Variants in CADPS2 observed in about 807,000 individuals in gnomAD.
CADPS2 encodes calcium-dependent secretion activator 2.
In CADPS2, 93 loss-of-function variants were observed where a neutral mutation model predicts 172.5. The ratio of observed to expected loss-of-function variants is 0.54; its 90% CI spans 0.46 to 0.64. The LOEUF (loss-of-function observed/expected upper bound fraction) is 0.64, where lower values mean the gene tolerates loss of function less well. Ranked by LOEUF, CADPS2 falls within the 30% of genes least tolerant of loss-of-function variation. The probability of loss-of-function intolerance (pLI) is 0.00; values close to 1 mark genes in which losing one functional copy is unlikely to be tolerated. For synonymous variants in CADPS2, 546 were observed against 555.2 expected (o/e 0.98, Z 0.23); for missense variants, 1,420 against 1,565.9 (o/e 0.91, Z 1.57).
At chr7:122,568,101 T>C (rs2066703194) in intron 7 of CADPS2, among the ~76,000 whole-genome samples, 1 of 152,062 alleles carries the variant, frequency 6.6e-6, no homozygotes, top group South Asian at 2.1e-4. Context: ...CTAATACTAG[T>C]CAAAAGAAAG....
intron 2 of CADPS2, 64 bp downstream of exon 2, chr7:122,736,891 T>C: frequency 1.2e-6 from 1 of 843,002 alleles, no homozygotes; most frequent in Non-Finnish European, 1.9e-6. Context: ...GAGAAACCCA[T>C]AAAAATAATA....
At chr7:122,705,447 T>G (rs13308188) in intron 2 of CADPS2, among the ~76,000 whole-genome samples, 1 of 137,488 alleles carries the variant, frequency 7.3e-6, no homozygotes, top group African/African-American at 2.7e-5. Flanking sequence ...AATATAATAT[T>G]ATATATTATC....
intron 5 of CADPS2, among the ~76,000 whole-genome samples, chr7:122,617,091 G>A (rs539130834): frequency 1.4e-3 from 211 of 152,188 alleles, no homozygotes; most frequent in African/African-American, 4.9e-3. Context: ...TAACCCAAAT[G>A]CAAGAAAGGA....
chr7:122,556,487 G>C (rs1416262589), intron 7 of CADPS2, among the ~76,000 whole-genome samples: 1 of 151,862 alleles, frequency 6.6e-6, no homozygotes, highest in Non-Finnish European at 1.5e-5. Context: ...TATAAAAATT[G>C]GTATTGTACC....
At position 122,702,524 on chromosome 7, in the gene CADPS2, G is replaced by A. The variant is rs565042058; in HGVS notation, c.453+34431C>T. 1.9e-6 allele frequency: 3 copies of A among 1,613,562 alleles called. No individual in the cohort carries two copies. In the Admixed American group the frequency reaches 5.0e-5, roughly 27 times the overall value. ...ATTCTGATTCCATCCTTCAGGAAGT[G>A]CCACCACACCAGACACCCTTTCCAG... On this transcript the variant is annotated intron_variant, in intron 2 of 29. Coordinates refer to ENST00000449022, the MANE Select transcript of CADPS2 (RefSeq NM_017954.11).
chr7:122,807,467 T>C (rs1417504726), intron 1 of CADPS2, among the ~76,000 whole-genome samples: 4 of 152,262 alleles, frequency 2.6e-5, no homozygotes, highest in African/African-American at 9.6e-5. Context: ...TCAGCAAACT[T>C]CTCTGACATC....
intron 2 of CADPS2, among the ~76,000 whole-genome samples, chr7:122,710,112 T>G (rs1010867384): frequency 2.1e-5 from 3 of 145,454 alleles, no homozygotes; most frequent in Admixed American, 6.9e-5. Flanking sequence ...TAAGCCACAA[T>G]CAGTCATTGA....
intron 17 of CADPS2, among the ~76,000 whole-genome samples, chr7:122,432,181 G>C (rs969434906): frequency 6.6e-6 from 1 of 152,142 alleles, no homozygotes; most frequent in South Asian, 2.1e-4. Context: ...GAGGGCTCTG[G>C]TGTCTGAGAG....
chr7:122,464,875 T>TA (rs1425654857), intron 14 of CADPS2, among the ~76,000 whole-genome samples: 2 of 151,870 alleles, frequency 1.3e-5, no homozygotes, highest in Admixed American at 1.3e-4. Context: ...GAAATCTGAA[T>TA]AAGGACTGGT....
At chr7:122,341,018 C>A (rs2036697872) in intron 28 of CADPS2, among the ~76,000 whole-genome samples, 3 of 152,146 alleles carry the variant, frequency 2.0e-5, no homozygotes, top group African/African-American at 7.2e-5. Flanking sequence ...AATGTAATAT[C>A]TAGATTATAA....
At chr7:122,851,041 A>G (rs1286499353) in intron 1 of CADPS2, among the ~76,000 whole-genome samples, 1 of 152,202 alleles carries the variant, frequency 6.6e-6, no homozygotes, top group African/African-American at 2.4e-5. Context: ...CCCAACTCAC[A>G]TATGTCACTT....
At chr7:122,464,843 G>A (rs1228192310) in intron 14 of CADPS2, among the ~76,000 whole-genome samples, 1 of 152,088 alleles carries the variant, frequency 6.6e-6, no homozygotes, top group African/African-American at 2.4e-5. Context: ...CAGAAAAAAG[G>A]ACATTAATTT....
rs530387047 is a variant in CADPS2, at chr7:122,600,961, T to C, written c.1223+14220A>G. 3.3e-5 allele frequency among the ~76,000 whole-genome samples: 5 copies of C among 152,208 alleles called. No individual in the cohort carries two copies. The East Asian group carries it at 9.7e-4, about 29-fold the overall frequency. ...TAACATTAATGTAGATGTTGACATTTAGCTACTGATTTTAACAAAAATAAT... is the reference window on the plus strand; with the variant it reads ...TAACATTAATGTAGATGTTGACATTCAGCTACTGATTTTAACAAAAATAAT... On this transcript the variant is annotated intron_variant, in intron 6 of 29. Transcript: ENST00000449022.
At chr7:122,557,769 C>T (rs1483921786) in intron 7 of CADPS2, among the ~76,000 whole-genome samples, 2 of 152,196 alleles carry the variant, frequency 1.3e-5, no homozygotes, top group African/African-American at 2.4e-5. Context: ...TGGCTATTTG[C>T]CACGATTCAT....
At chr7:122,575,923 T>C (rs1208123851) in intron 7 of CADPS2, among the ~76,000 whole-genome samples, 3 of 152,158 alleles carry the variant, frequency 2.0e-5, no homozygotes, top group African/African-American at 7.2e-5. Context: ...TCAGAATGAA[T>C]AGTATACATT....
At chr7:122,868,563 T>C (rs933083219) in intron 1 of CADPS2, among the ~76,000 whole-genome samples, 10 of 152,138 alleles carry the variant, frequency 6.6e-5, no homozygotes, top group African/African-American at 1.9e-4. Flanking sequence ...GCTTAGAATA[T>C]AGAATCCCTG....
chr7:122,876,613 C>T (rs562860057), intron 1 of CADPS2, among the ~76,000 whole-genome samples: 87 of 152,114 alleles, frequency 5.7e-4, no homozygotes, highest in Admixed American at 1.6e-3. Flanking sequence ...TCCTTCTACC[C>T]CAGCCTCCCA....
At chr7:122,822,628 CT>C (rs1584658899) in intron 1 of CADPS2, among the ~76,000 whole-genome samples, 1 of 148,256 alleles carries the variant, frequency 6.7e-6, no homozygotes, top group African/African-American at 2.5e-5. Flanking sequence ...CCTGAAGTAA[CT>C]GAAGAATCAT....
chr7:122,708,709 A>T (rs1251263036), intron 2 of CADPS2, among the ~76,000 whole-genome samples: 1 of 151,686 alleles, frequency 6.6e-6, no homozygotes, highest in Non-Finnish European at 1.5e-5. Flanking sequence ...TCTCTTCTTC[A>T]TTCAGAATTC....
Sources: allele counts gnomAD v4.1 joint callset (sites outside exome capture counted in the v4.1 genomes callset), GRCh38; gene constraint gnomAD v4.1.1; transcripts MANE v1.5; gene names NCBI Gene and HGNC (gene_info 2026-07-23, HGNC 2026-07-21).